Variants in EFL1 observed in about 807,000 individuals in gnomAD.
EFL1 encodes the protein elongation factor-like GTPase 1.
A neutral mutation model predicts 126.7 loss-of-function variants in EFL1; 76 were observed. That is an observed-to-expected ratio of 0.60 (90% CI 0.50 to 0.73). The LOEUF (loss-of-function observed/expected upper bound fraction) is 0.73, where lower values mean the gene tolerates loss of function less well. EFL1 is among the 30% of genes least tolerant of loss of function. EFL1 has a pLI of 0.00. For synonymous variants in EFL1, 410 were observed against 448.4 expected (o/e 0.91, Z 1.08); for missense variants, 1,128 against 1,343.2 (o/e 0.84, Z 2.50).
rs1210788310 is a variant in EFL1 at position 82,211,547 on chromosome 15, T to TATACAC, written c.1750+3164_1750+3169dup. Among the ~76,000 whole-genome samples the TATACAC allele has an allele frequency of 2.1e-4, 15 of 70,814 alleles. No homozygotes were observed. In the East Asian group the frequency reaches 4.2e-3, roughly 20 times the overall value. 46.5% of individuals were successfully genotyped at this position (70,814 alleles called of 152,430 possible). A position where few individuals can be genotyped will look rare whatever the true frequency, so the allele number is the denominator to read the frequency against. On this transcript the variant is annotated intron_variant, in intron 15 of 19. Transcript: ENST00000268206. ...TCTCAAAGAAAAAAAAAAAAATCTA[T>TATACAC]ATACACACACACACACACACACACA...
chr15:82,205,432 T>C (rs1003673923), intron 15 of EFL1, among the ~76,000 whole-genome samples: 3 of 152,214 alleles, frequency 2.0e-5, no homozygotes, highest in African/African-American at 7.2e-5. Flanking sequence ...GAAGAGACTA[T>C]AAACCTTGTA....
At position 82,177,839 on chromosome 15, in the gene EFL1, G is replaced by C. The variant is rs192076185; in HGVS notation, c.1751-13855C>G. 1.7e-3 allele frequency among the ~76,000 whole-genome samples: 264 copies of C among 152,226 alleles called. 2 individuals carry two copies. The highest frequency in any genetic ancestry group is 6.1e-3 in the African/African-American group (254 of 41,534). ...GTAAAATAATCTCAGCTCACATCATGGGAAATATTTCTTTGGCTCTGAGAA... is the reference window on the plus strand; with the variant it reads ...GTAAAATAATCTCAGCTCACATCATCGGAAATATTTCTTTGGCTCTGAGAA... On this transcript the variant is annotated intron_variant, in intron 15 of 19. Transcript: ENST00000268206.
chr15:82,140,645 C>G (rs917108622), intron 18 of EFL1, among the ~76,000 whole-genome samples: 2 of 152,166 alleles, frequency 1.3e-5, no homozygotes, highest in Non-Finnish European at 2.9e-5. Context: ...ATCTCCAATA[C>G]CACTTTACAA....
At chr15:82,211,436 G>T (rs1188564987) in intron 15 of EFL1, among the ~76,000 whole-genome samples, 1 of 151,306 alleles carries the variant, frequency 6.6e-6, no homozygotes, top group Non-Finnish European at 1.5e-5. Flanking sequence ...TTAGGCAGAA[G>T]AATCGCTTGA....
At chr15:82,238,685 T>C (rs2074899764) in intron 6 of EFL1, among the ~76,000 whole-genome samples, 164 bp from the exon 7 acceptor site, 1 of 152,198 alleles carries the variant, frequency 6.6e-6, no homozygotes, top group African/African-American at 2.4e-5. Flanking sequence ...ATAACTTAGA[T>C]GTATCCATTC....
intron 16 of EFL1, among the ~76,000 whole-genome samples, chr15:82,161,439 C>T (rs1180489055): frequency 6.6e-6 from 1 of 151,950 alleles, no homozygotes; most frequent in Non-Finnish European, 1.5e-5. Flanking sequence ...GGAAGTTTCC[C>T]CAGACATTCT....
chr15:82,206,288 A>G (rs1465620188), intron 15 of EFL1, among the ~76,000 whole-genome samples: 1 of 152,192 alleles, frequency 6.6e-6, no homozygotes, highest in Non-Finnish European at 1.5e-5. Flanking sequence ...AAGATGATAC[A>G]TAATATATTA....
chr15:82,182,083 C>T (rs1369416755), intron 15 of EFL1, among the ~76,000 whole-genome samples: 2 of 152,034 alleles, frequency 1.3e-5, no homozygotes, highest in African/African-American at 4.8e-5. Context: ...CATAGCAAAA[C>T]CCCATTTTTA....
intron 15 of EFL1, among the ~76,000 whole-genome samples, chr15:82,181,621 C>CGTGTGT (rs1567053388): frequency 2.1e-5 from 2 of 94,060 alleles, no homozygotes; most frequent in African/African-American, 1.3e-4. Flanking sequence ...TATGTGTGTG[C>CGTGTGT]ATGTGTGTGT....
At chr15:82,156,202 T>C (rs932624737) in intron 17 of EFL1, among the ~76,000 whole-genome samples, 1 of 152,234 alleles carries the variant, frequency 6.6e-6, no homozygotes, top group Non-Finnish European at 1.5e-5. Context: ...TCACCTGAAA[T>C]AAATTTCTGA....
chr15:82,201,051 T>C (rs1001841900), intron 15 of EFL1, among the ~76,000 whole-genome samples: 2 of 152,234 alleles, frequency 1.3e-5, no homozygotes, highest in Admixed American at 6.5e-5. Context: ...TATTTTTCTA[T>C]TGTTTGTAGA....
intron 4 of EFL1, among the ~76,000 whole-genome samples, chr15:82,244,721 T>C (rs1314650741): frequency 1.3e-5 from 2 of 152,126 alleles, no homozygotes; most frequent in African/African-American, 4.8e-5. Flanking sequence ...CCCTTGCCCA[T>C]GGTTTTAAAG....
intron 15 of EFL1, among the ~76,000 whole-genome samples, chr15:82,214,208 G>T (rs996785465): frequency 3.9e-5 from 6 of 152,120 alleles, no homozygotes; most frequent in Non-Finnish European, 8.8e-5. Flanking sequence ...CTGCACATGG[G>T]GGACAGAAGT....
chr15:82,140,725 T>C (rs2073777614), intron 18 of EFL1, among the ~76,000 whole-genome samples: 1 of 152,184 alleles, frequency 6.6e-6, no homozygotes, highest in South Asian at 2.1e-4. Flanking sequence ...GAATATATTA[T>C]CTACTTCAAA....
chr15:82,141,712 C>T (rs1325321971), intron 18 of EFL1, among the ~76,000 whole-genome samples: 1 of 143,160 alleles, frequency 7.0e-6, no homozygotes, highest in African/African-American at 2.6e-5. Context: ...AAAAAAGAAA[C>T]GTTTGAAGGT....
intron 15 of EFL1, among the ~76,000 whole-genome samples, chr15:82,207,517 T>A (rs1470972857): frequency 1.3e-5 from 2 of 152,010 alleles, no homozygotes; most frequent in Non-Finnish European, 2.9e-5. Flanking sequence ...ATAGGAAGTA[T>A]GATTTTTAAA....
At chr15:82,234,515 T>G (rs1411491670) in intron 7 of EFL1, among the ~76,000 whole-genome samples, 1 of 152,110 alleles carries the variant, frequency 6.6e-6, no homozygotes, top group Non-Finnish European at 1.5e-5. Context: ...TCAAATGGAC[T>G]AAGATATCTA....
At chr15:82,222,101 A>G (rs1490559610) in intron 12 of EFL1, among the ~76,000 whole-genome samples, 3 of 152,226 alleles carry the variant, frequency 2.0e-5, no homozygotes, top group Non-Finnish European at 4.4e-5. Context: ...AGGAAAAAAT[A>G]CCAGAGGTAC....
intron 12 of EFL1, among the ~76,000 whole-genome samples, chr15:82,224,015 T>C (rs1170440059): frequency 6.6e-6 from 1 of 152,188 alleles, no homozygotes; most frequent in African/African-American, 2.4e-5. Context: ...ACAAACAGAA[T>C]TTTATCAGAG....
Sources: allele counts gnomAD v4.1 joint callset (sites outside exome capture counted in the v4.1 genomes callset), GRCh38; gene constraint gnomAD v4.1.1; transcripts MANE v1.5; gene names NCBI Gene and HGNC (gene_info 2026-07-23, HGNC 2026-07-21).